The following EXOC5 variants were observed in gnomAD, a reference collection of about 807,000 sequenced individuals.
EXOC5 encodes the protein SEC10-like 1.
Under a neutral mutation model 90.8 loss-of-function variants are expected in EXOC5, and 17 were observed. The ratio of observed to expected loss-of-function variants is 0.19; its 90% CI spans 0.13 to 0.28. The LOEUF (loss-of-function observed/expected upper bound fraction) is 0.28. Among genes scored for constraint, EXOC5 ranks in the 10% least tolerant of loss-of-function variants. EXOC5 has a pLI of 1.00. For missense variants in EXOC5, 569 were observed against 830.6 expected (o/e 0.69, Z 3.87); for synonymous variants, 260 against 270.0 (o/e 0.96, Z 0.36).
rs370076907 is a variant in EXOC5 at position 57,229,715 on chromosome 14, C to G, written c.1296+19G>C. On this transcript the variant is annotated intron_variant, in intron 12 of 17. Coordinates refer to ENST00000621441, the MANE Select transcript of EXOC5 (RefSeq NM_006544.4). ...AAGGAACAACTGTATATGTAAAATA[C>G]ATTTACAATCACTCTTACCCTATGA... The G allele has an allele frequency of 3.5e-6, 5 of 1,445,746 alleles. No individual in the cohort carries two copies. The highest frequency in any genetic ancestry group is 4.6e-6 in the Non-Finnish European group (5 of 1,077,264). 89.6% of individuals were successfully genotyped at this position (1,445,746 alleles called of 1,614,324 possible). A position where few individuals can be genotyped will look rare whatever the true frequency, so the allele number is the denominator to read the frequency against.
intron 1 of EXOC5, among the ~76,000 whole-genome samples, chr14:57,265,559 CA>C (rs1336531013): frequency 6.6e-6 from 1 of 152,054 alleles, no homozygotes; most frequent in East Asian, 1.9e-4. Context: ...CTTATTTCTG[CA>C]AAAAATTTTT....
chr14:57,268,185 C>G (rs1433360182), intron 1 of EXOC5: 1 of 212,000 alleles, frequency 4.7e-6, no homozygotes, highest in Non-Finnish European at 9.5e-6. Flanking sequence ...CCAAGAGTCC[C>G]GATCTCAAGT....
In EXOC5 at chr14:57,208,644, A is replaced by G. The variant is rs1232942992; in HGVS notation, c.2092T>C (p.Tyr698His). 6.2e-7 allele frequency: 1 copy of G among 1,609,888 alleles called. No individual in the cohort carries two copies. Among genetic ancestry groups the G allele is most frequent in the East Asian group, 2.2e-5 (1 of 44,828 alleles). The change falls in exon 18 of 18, where the codon TAT becomes CAT. Residue 698 changes from tyrosine to histidine, a missense_variant. Physicochemically the swap from Tyr to His is moderately conservative, Grantham distance 83. Transcript: ENST00000621441. ...LHSFVQLRAD[Y>H]RSARLARHFS Reference sequence around the variant, plus strand: ...TGTCGAGCAAGGCGGGCAGATCTATAATCAGCACGAAGTTGTACGAAGGAG... The same window carrying G: ...TGTCGAGCAAGGCGGGCAGATCTATGATCAGCACGAAGTTGTACGAAGGAG...
At chr14:57,234,713 A>G (rs918489985) in intron 7 of EXOC5, among the ~76,000 whole-genome samples, 5 of 151,336 alleles carry the variant, frequency 3.3e-5, no homozygotes, top group Non-Finnish European at 7.4e-5. Context: ...CTACAGGCAC[A>G]TGCCTCCCCT....
chr14:57,221,236 A>G (rs1883129323), intron 13 of EXOC5, among the ~76,000 whole-genome samples: 1 of 152,164 alleles, frequency 6.6e-6, no homozygotes, highest in Non-Finnish European at 1.5e-5. Flanking sequence ...CACCAAGTGC[A>G]AAGAGACTAA....
intron 1 of EXOC5, among the ~76,000 whole-genome samples, chr14:57,256,671 G>A (rs1386049594): frequency 6.6e-6 from 1 of 152,160 alleles, no homozygotes; most frequent in African/African-American, 2.4e-5. Context: ...TAATAGTGCT[G>A]TCAACAAAAA....
At chr14:57,260,380 T>C (rs1884464721) in intron 1 of EXOC5, among the ~76,000 whole-genome samples, 1 of 152,142 alleles carries the variant, frequency 6.6e-6, no homozygotes, top group Admixed American at 6.6e-5. Context: ...AAATAAATAA[T>C]TTTACTTTTT....
Position 57,218,075 on chromosome 14 carries a change from T to C in EXOC5, c.1527-7A>G, listed in dbSNP as rs1001114944. ...AGATAACTTAGGAGAAGAGCTATTG[T>C]ATATTTAAAATGGAAAAAGAATCAT... On this transcript the variant is annotated splice_region_variant and splice_polypyrimidine_tract_variant and intron_variant, in intron 14 of 17. Transcript: ENST00000621441. The C allele has an allele frequency of 1.5e-6, 2 of 1,349,234 alleles. No homozygotes were observed. The highest frequency in any genetic ancestry group is 2.1e-6 in the Non-Finnish European group (2 of 951,794). 83.6% of individuals were successfully genotyped at this position (1,349,234 alleles called of 1,614,324 possible). A position where few individuals can be genotyped will look rare whatever the true frequency, so the allele number is the denominator to read the frequency against.
chr14:57,244,376 T>C lies in EXOC5; in HGVS notation c.271-17A>G. ...GAAGGCAACCTAGGAAAAATGTGCA[T>C]AAGCATAAAATACAATCAGTGTGCT... On this transcript the variant is annotated splice_polypyrimidine_tract_variant and intron_variant, in intron 3 of 17. Transcript: ENST00000621441. 1 of 1,587,486 alleles carries C rather than the reference T, an allele frequency of 6.3e-7. No homozygotes were observed. The highest frequency in any genetic ancestry group is 1.1e-5 in the South Asian group (1 of 90,332).
In EXOC5 at chr14:57,268,812, G is replaced by C; in HGVS notation, c.-164C>G. On this transcript the variant is annotated 5_prime_UTR_variant, in exon 1 of 18. Coordinates refer to ENST00000621441, the MANE Select transcript of EXOC5 (RefSeq NM_006544.4). ...AGATCCCAGGAGGGGCGGGAGAGCG[G>C]CCATGAAGCGAAGCCGCAAACGCTT... The C allele has an allele frequency of 7.2e-7, 1 of 1,391,076 alleles. No homozygotes were observed. Among genetic ancestry groups the C allele is most frequent in the African/African-American group, 1.5e-5 (1 of 65,502 alleles). The allele number at this position is 1,391,076 out of a possible 1,614,324, so 86.2% of individuals were successfully genotyped here.
intron 1 of EXOC5, among the ~76,000 whole-genome samples, chr14:57,255,537 T>C (rs1259788330): frequency 6.6e-6 from 1 of 152,048 alleles, no homozygotes; most frequent in Non-Finnish European, 1.5e-5. Flanking sequence ...AACACCCTGA[T>C]GAAGGCACAG....
chr14:57,217,441 CT>C, intron 15 of EXOC5, among the ~76,000 whole-genome samples: 1 of 152,214 alleles, frequency 6.6e-6, no homozygotes, highest in East Asian at 1.9e-4. Context: ...ATATTTCAAA[CT>C]TTTTCATTAC....
At chr14:57,267,966 T>C (rs898051908) in intron 1 of EXOC5, among the ~76,000 whole-genome samples, 5 of 152,136 alleles carry the variant, frequency 3.3e-5, no homozygotes, top group Non-Finnish European at 2.9e-5. Flanking sequence ...GCCTCGAGTG[T>C]ATTATTATGT....
chr14:57,266,172 AT>A (rs1884663737), intron 1 of EXOC5, among the ~76,000 whole-genome samples: 2 of 152,374 alleles, frequency 1.3e-5, no homozygotes, highest in Admixed American at 6.5e-5. Flanking sequence ...ATCAGGATGC[AT>A]AAAAACCAAA....
rs1474287819 is a variant in EXOC5, at chr14:57,200,706, A to G, written c.*7903T>C. On this transcript the variant is annotated 3_prime_UTR_variant, in exon 18 of 18. Transcript: ENST00000621441. ...AAAATGTAAGTTCTGTGTCTTGGGC[A>G]TAACACTTTACCCCCTCCTCAATTC... is the stretch of plus-strand genomic sequence containing the variant. 1 of 151,608 alleles carries G rather than the reference A, an allele frequency of 6.6e-6. No homozygotes were observed. Among genetic ancestry groups the G allele is most frequent in the African/African-American group, 2.4e-5 (1 of 41,196 alleles). 9.4% of individuals were successfully genotyped at this position (151,608 alleles called of 1,614,324 possible).
At position 57,268,233 on chromosome 14, in the gene EXOC5, A is replaced by G. The variant is rs184503196; in HGVS notation, c.27+389T>C. 7.3e-5 allele frequency: 22 copies of G among 302,282 alleles called. No homozygotes were observed. The East Asian group carries it at 1.8e-3, about 25-fold the overall frequency. The allele number at this position is 302,282 out of a possible 1,614,324, so 18.7% of individuals were successfully genotyped here. ...TTATTCCCGCGAGGACCCCAGCGACAAGACTCGCCCAACCTGAGGCTCCTG... is the reference window on the plus strand; with the variant it reads ...TTATTCCCGCGAGGACCCCAGCGACGAGACTCGCCCAACCTGAGGCTCCTG... On this transcript the variant is annotated intron_variant, in intron 1 of 17. Transcript: ENST00000621441.
chr14:57,268,644 G>T lies in EXOC5; in HGVS notation c.5C>A (p.Ala2Asp). The T allele has an allele frequency of 6.3e-7, 1 of 1,589,428 alleles. No homozygotes were observed. Among genetic ancestry groups the T allele is most frequent in the Admixed American group, 1.7e-5 (1 of 58,790 alleles). MATTAELFEEPF... is the reference protein window; with the variant it reads MDTTAELFEEPF... ...CACCTCGAAGAGCTCGGCCGTGGTA[G>T]CCATCCCGGCCGGCTGAGAGGCTCG... is the stretch of plus-strand genomic sequence containing the variant. The change falls in exon 1 of 18, where the codon GCT becomes GAT. Residue 2 changes from alanine (A) to aspartate (D), a missense_variant. Coordinates refer to ENST00000621441, the MANE Select transcript of EXOC5 (RefSeq NM_006544.4).
At chr14:57,216,713 C>A (rs1291477341) in intron 15 of EXOC5, among the ~76,000 whole-genome samples, 3 of 152,112 alleles carry the variant, frequency 2.0e-5, no homozygotes, top group African/African-American at 7.2e-5. Context: ...AAAAAAGTTT[C>A]TTGACATTGA....
chr14:57,248,556 G>T (rs1404623454), intron 1 of EXOC5, among the ~76,000 whole-genome samples: 2 of 151,724 alleles, frequency 1.3e-5, no homozygotes, highest in Admixed American at 1.3e-4. Flanking sequence ...ATTAGAGAAG[G>T]CTCAATCAAG....
Sources: gnomAD v4.1 joint callset for allele counts (sites outside exome capture counted in the v4.1 genomes callset) on GRCh38, gnomAD v4.1.1 for gene constraint, MANE v1.5 for transcripts, NCBI Gene and HGNC (gene_info 2026-07-23, HGNC 2026-07-21) for gene names.